DIP2C: variants seen among roughly 807,000 people sequenced by gnomAD.
DIP2C encodes disco-interacting protein 2 homolog C.
In DIP2C, 33 loss-of-function variants were observed where a neutral mutation model predicts 192.4. The observed-to-expected ratio is 0.17, with a 90% confidence interval of 0.13 to 0.23. The LOEUF is 0.23. Among genes scored for constraint, DIP2C ranks in the 10% least tolerant of loss-of-function variants. The pLI is 1.00. For missense variants in DIP2C, 1,537 were observed against 2,110.1 expected (o/e 0.73, Z 5.32); for synonymous variants, 979 against 864.1 (o/e 1.13, Z -2.33).
At chr10:582,624 G>GT (rs1850739631) in intron 1 of DIP2C, among the ~76,000 whole-genome samples, 1 of 152,102 alleles carries the variant, frequency 6.6e-6, no homozygotes, top group African/African-American at 2.4e-5. Context: ...AACTGGATGC[G>GT]TTTAGGTGGA....
intron 3 of DIP2C, among the ~76,000 whole-genome samples, chr10:468,426 C>T (rs187997629): frequency 1.1e-4 from 17 of 152,162 alleles, no homozygotes; most frequent in Admixed American, 9.8e-4. Context: ...ATGCAAAGGT[C>T]ATGGGGTGCG....
At chr10:390,180 T>C in intron 12 of DIP2C, 84 bp downstream of exon 12, 1 of 1,587,874 alleles carries the variant, frequency 6.3e-7, no homozygotes, top group East Asian at 2.2e-5. Context: ...GTCCCTGAAT[T>C]TTGGCACTCG....
chr10:571,107 A>G (rs1476564921), intron 1 of DIP2C, among the ~76,000 whole-genome samples: 6 of 152,254 alleles, frequency 3.9e-5, no homozygotes, highest in Admixed American at 3.9e-4. Flanking sequence ...ACTGCTCTGT[A>G]GAATGGAGAC....
At chr10:393,284 C>G (rs1963644577) in intron 10 of DIP2C, among the ~76,000 whole-genome samples, 1 of 152,218 alleles carries the variant, frequency 6.6e-6, no homozygotes, top group Non-Finnish European at 1.5e-5. Context: ...ACATACTTAA[C>G]TACACGAATA....
At chr10:570,280 T>C (rs1488568196) in intron 1 of DIP2C, among the ~76,000 whole-genome samples, 1 of 152,200 alleles carries the variant, frequency 6.6e-6, no homozygotes, top group Non-Finnish European at 1.5e-5. Context: ...AAGGTGGATT[T>C]TGTCGTGCCC....
rs775036987 is a variant in DIP2C, at chr10:387,396, G to A, written c.1662+349C>T. Among the ~76,000 whole-genome samples, 12 of 152,194 alleles carry A rather than the reference G, an allele frequency of 7.9e-5. 1 individual carries two copies. In the South Asian group the frequency reaches 1.7e-3, roughly 21 times the overall value. On this transcript the variant is annotated intron_variant, in intron 14 of 36. Coordinates refer to ENST00000280886, the MANE Select transcript of DIP2C (RefSeq NM_014974.3). ...AGGAAGCAGCTTGCACAAGTGAAACGTAGGCAAATCTAGGCATTTGTATTC... is the reference window on the plus strand; with the variant it reads ...AGGAAGCAGCTTGCACAAGTGAAACATAGGCAAATCTAGGCATTTGTATTC...
rs763683653 is a variant in DIP2C at position 651,205 on chromosome 10, C to A, written c.85+38289G>T. ...ACCGTCCTCCACGCATATCTACAGA[C>A]CCTGTCCTCACCTGCATCACACCAA... is the stretch of plus-strand genomic sequence containing the variant. On this transcript the variant is annotated intron_variant, in intron 1 of 36. Coordinates refer to ENST00000280886, the MANE Select transcript of DIP2C (RefSeq NM_014974.3). The surrounding 1 kb of genome is among the most constrained non-coding windows in gnomAD (Gnocchi z 4.1). The A allele has an allele frequency of 2.8e-5, 20 of 717,262 alleles. No individual in the cohort carries two copies. The Middle Eastern group carries it at 9.1e-4, about 33-fold the overall frequency. The allele number at this position is 717,262 out of a possible 1,614,324, so 44.4% of individuals were successfully genotyped here.
intron 2 of DIP2C, among the ~76,000 whole-genome samples, chr10:473,172 C>T (rs1234252452): frequency 6.6e-6 from 1 of 152,142 alleles, no homozygotes; most frequent in Non-Finnish European, 1.5e-5. Flanking sequence ...CAGATAAAAA[C>T]GGTTTAATGG....
chr10:552,856 A>G (rs894292277), intron 1 of DIP2C, among the ~76,000 whole-genome samples: 2 of 152,240 alleles, frequency 1.3e-5, no homozygotes, highest in Non-Finnish European at 2.9e-5. Context: ...CTCAAAAAAA[A>G]GTGACGAACA....
chr10:395,032 C>G (rs1393784741), intron 10 of DIP2C, among the ~76,000 whole-genome samples: 1 of 150,538 alleles, frequency 6.6e-6, no homozygotes, highest in Non-Finnish European at 1.5e-5. Context: ...ACAGAAAGAC[C>G]AAGGCTACAT....
intron 35 of DIP2C, among the ~76,000 whole-genome samples, chr10:281,562 C>T (rs1359463311): frequency 6.6e-6 from 1 of 152,226 alleles, no homozygotes; most frequent in Non-Finnish European, 1.5e-5. Flanking sequence ...TACACTTGTG[C>T]TTTGGGAGAA....
intron 3 of DIP2C, among the ~76,000 whole-genome samples, chr10:442,026 A>G (rs1215719307): frequency 6.6e-6 from 1 of 150,790 alleles, no homozygotes; most frequent in Non-Finnish European, 1.5e-5. Context: ...TCAACACAAA[A>G]TCAGAATAAC....
chr10:369,434 CAT>C (rs759842461), intron 18 of DIP2C, 58 bp downstream of exon 18: 73 of 1,473,330 alleles, frequency 5.0e-5, no homozygotes, highest in African/African-American at 7.1e-5. Flanking sequence ...GCTTTGGTGA[CAT>C]GTGTTAGAAA....
At chr10:331,284 G>A (rs1332180759) in intron 29 of DIP2C, among the ~76,000 whole-genome samples, 1 of 152,108 alleles carries the variant, frequency 6.6e-6, no homozygotes, top group African/African-American at 2.4e-5. Context: ...AGTTAGGTTG[G>A]CTAACAAAAT....
chr10:486,235 T>C (rs1208531148), intron 2 of DIP2C, among the ~76,000 whole-genome samples: 2 of 152,262 alleles, frequency 1.3e-5, no homozygotes, highest in African/African-American at 2.4e-5. Flanking sequence ...TCTCTACTTA[T>C]AGAGAAAACA....
chr10:502,112 C>T (rs1051997043), intron 1 of DIP2C, among the ~76,000 whole-genome samples: 1 of 152,186 alleles, frequency 6.6e-6, no homozygotes, highest in South Asian at 2.1e-4. Context: ...CACCACTATA[C>T]TCCAGCATGG....
At position 435,977 on chromosome 10, in the gene DIP2C, A is replaced by G. The variant is rs922937798; in HGVS notation, c.394+4894T>C. Among the ~76,000 whole-genome samples the G allele has an allele frequency of 3.9e-5, 6 of 152,178 alleles. No individual in the cohort carries two copies. The South Asian group carries it at 6.2e-4, about 16-fold the overall frequency. The stretch of plus-strand genomic sequence containing the variant: ...TAGCCTCATATATATATATAAATAT[A>G]TAAACAGGTACAATTAATTTTATTA... On this transcript the variant is annotated intron_variant, in intron 4 of 36. Coordinates refer to ENST00000280886, the MANE Select transcript of DIP2C (RefSeq NM_014974.3).
At chr10:441,701 G>A (rs145086992) in intron 3 of DIP2C, among the ~76,000 whole-genome samples, 9 of 152,296 alleles carry the variant, frequency 5.9e-5, no homozygotes, top group South Asian at 2.1e-4. Context: ...CCAGCCATGC[G>A]GAACTGCAAG....
At chr10:304,749 CACAT>C (rs1038416552) in intron 32 of DIP2C, among the ~76,000 whole-genome samples, 8 of 76,144 alleles carry the variant, frequency 1.1e-4, no homozygotes, top group African/African-American at 1.7e-4. Context: ...TACTTACACA[CACAT>C]AAAACAGTAC....
Sources: allele counts gnomAD v4.1 joint callset (sites outside exome capture counted in the v4.1 genomes callset), GRCh38; gene constraint gnomAD v4.1.1; non-coding constraint Gnocchi (gnomAD v3.1); transcripts MANE v1.5; gene names NCBI Gene and HGNC (gene_info 2026-07-23, HGNC 2026-07-21).